TC2N: variants seen among roughly 807,000 people sequenced by gnomAD.
TC2N encodes tandem C2 domains nuclear protein.
In TC2N, 51 loss-of-function variants were observed where a neutral mutation model predicts 61.9. That is an observed-to-expected ratio of 0.82 (90% CI 0.66 to 1.04). The LOEUF is 1.04. TC2N is among the 50% of genes least tolerant of loss of function. The probability of loss-of-function intolerance (pLI) is 0.00; values close to 1 mark genes in which losing one functional copy is unlikely to be tolerated. For missense variants in TC2N, 556 were observed against 566.7 expected (o/e 0.98, Z 0.19); for synonymous variants, 204 against 192.6 (o/e 1.06, Z -0.49).
At chr14:91,808,042 C>T (rs1886595039) in intron 3 of TC2N, among the ~76,000 whole-genome samples, 1 of 152,126 alleles carries the variant, frequency 6.6e-6, no homozygotes, top group Admixed American at 6.5e-5. Flanking sequence ...TTACCTGCTG[C>T]CATGTAAGAC....
intron 1 of TC2N, among the ~76,000 whole-genome samples, chr14:91,835,750 G>A (rs771410837): frequency 1.1e-4 from 16 of 152,244 alleles, no homozygotes; most frequent in Non-Finnish European, 1.9e-4. Context: ...ACTTCACAAA[G>A]TTTCAGAAAC....
At chr14:91,842,912 G>A (rs1461105730) in intron 1 of TC2N, among the ~76,000 whole-genome samples, 1 of 152,092 alleles carries the variant, frequency 6.6e-6, no homozygotes, top group South Asian at 2.1e-4. Context: ...CCTTTGCTAC[G>A]ACTTTGAAGT....
intron 5 of TC2N, 113 bp from the exon 6 acceptor site, chr14:91,799,177 G>A (rs1438412951): frequency 4.9e-6 from 3 of 611,178 alleles, no homozygotes; most frequent in Non-Finnish European, 8.2e-6. Flanking sequence ...TATTTTGACA[G>A]TGTTACAGGT....
chr14:91,817,739 A>G (rs986882654), intron 1 of TC2N, among the ~76,000 whole-genome samples: 5 of 152,146 alleles, frequency 3.3e-5, no homozygotes, highest in African/African-American at 1.2e-4. Flanking sequence ...CTGCTACTTC[A>G]GGGGGAAAAG....
chr14:91,795,389 G>A (rs1448229037), intron 8 of TC2N, among the ~76,000 whole-genome samples: 1 of 152,096 alleles, frequency 6.6e-6, no homozygotes, highest in African/African-American at 2.4e-5. Context: ...GAACTTTTTT[G>A]TGAAAGGAAG....
chr14:91,822,249 G>A (rs1287812271), intron 1 of TC2N, among the ~76,000 whole-genome samples: 1 of 152,162 alleles, frequency 6.6e-6, no homozygotes, highest in African/African-American at 2.4e-5. Flanking sequence ...AAACTATCAA[G>A]TATCTATCAA....
At chr14:91,791,865 C>T (rs1885672736) in intron 9 of TC2N, among the ~76,000 whole-genome samples, 1 of 152,090 alleles carries the variant, frequency 6.6e-6, no homozygotes, top group South Asian at 2.1e-4. Flanking sequence ...GCCTGTAATC[C>T]CAGCACTTTG....
intron 1 of TC2N, among the ~76,000 whole-genome samples, chr14:91,851,584 T>A (rs964481040): frequency 6.6e-5 from 10 of 152,316 alleles, no homozygotes; most frequent in African/African-American, 2.4e-4. Context: ...AATTAGCACA[T>A]AAACTTACCT....
chr14:91,863,404 A>T (rs1482074180), intron 1 of TC2N, among the ~76,000 whole-genome samples: 1 of 152,208 alleles, frequency 6.6e-6, no homozygotes, highest in Non-Finnish European at 1.5e-5. Flanking sequence ...GACCTCCCCA[A>T]TGGCTTATAA....
chr14:91,850,749 T>C (rs1386198705), intron 1 of TC2N, among the ~76,000 whole-genome samples: 2 of 152,070 alleles, frequency 1.3e-5, no homozygotes, highest in African/African-American at 4.8e-5. Flanking sequence ...TGGCCAACAC[T>C]GTGAAACCCC....
intron 1 of TC2N, among the ~76,000 whole-genome samples, chr14:91,822,261 A>C (rs1296837191): frequency 6.6e-6 from 1 of 152,232 alleles, no homozygotes; most frequent in African/African-American, 2.4e-5. Flanking sequence ...ATCTATCAAC[A>C]GATTAATCCA....
At position 91,792,559 on chromosome 14, in the gene TC2N, C is replaced by CT; in HGVS notation, c.856-2dup. ...CAAACGTTTCCATAAATTCAATAGC[C>CT]TTAAAAAAAAAACAAGAAAACATAA... On this transcript the variant is annotated splice_acceptor_variant, in intron 8 of 11. Transcript: ENST00000435962. LOFTEE classifies it high-confidence loss of function. 1.4e-6 allele frequency: 2 copies of CT among 1,436,492 alleles called. No homozygotes were observed. Among genetic ancestry groups the CT allele is most frequent in the Non-Finnish European group, 1.9e-6 (2 of 1,061,784 alleles). The allele number at this position is 1,436,492 out of a possible 1,614,324, so 89.0% of individuals were successfully genotyped here.
chr14:91,790,344 G>C (rs1187819986), intron 9 of TC2N, among the ~76,000 whole-genome samples: 1 of 152,114 alleles, frequency 6.6e-6, no homozygotes, highest in Non-Finnish European at 1.5e-5. Flanking sequence ...GGGAAAGTAC[G>C]GCTCTTTAGA....
intron 3 of TC2N, among the ~76,000 whole-genome samples, chr14:91,807,256 G>T (rs1886552521): frequency 6.6e-6 from 1 of 152,196 alleles, no homozygotes; most frequent in South Asian, 2.1e-4. Context: ...CCCCCACAGA[G>T]TCTCCACTGG....
chr14:91,834,307 G>A (rs1045066664), intron 1 of TC2N, among the ~76,000 whole-genome samples: 1 of 152,086 alleles, frequency 6.6e-6, no homozygotes, highest in African/African-American at 2.4e-5. Context: ...ACTTTACCAC[G>A]AATAGTTCTT....
intron 1 of TC2N, among the ~76,000 whole-genome samples, chr14:91,823,451 C>T (rs763829792): frequency 1.3e-5 from 2 of 150,086 alleles, no homozygotes; most frequent in African/African-American, 2.5e-5. Context: ...ACCCGGGAGG[C>T]GGAGGTTGCA....
chr14:91,836,058 C>A (rs1442784801), intron 1 of TC2N: 1 of 152,336 alleles, frequency 6.6e-6, no homozygotes, highest in Non-Finnish European at 1.5e-5. Flanking sequence ...TGTCGCGGGG[C>A]CTAAAGCTCT....
At position 91,781,614 on chromosome 14, in the gene TC2N, T is replaced by C. The variant is rs1885136503; in HGVS notation, c.*1486A>G. The C allele has an allele frequency of 6.6e-6, 1 of 152,136 alleles. No individual in the cohort carries two copies. The highest frequency in any genetic ancestry group is 2.1e-4 in the South Asian group (1 of 4,832). The allele number at this position is 152,136 out of a possible 1,614,324, so 9.4% of individuals were successfully genotyped here. A position where few individuals can be genotyped will look rare whatever the true frequency, so the allele number is the denominator to read the frequency against. Reference sequence around the variant, plus strand: ...TTGTATTCGTCTCAGATTCAAAATATTATCACACAGGTGATTTATCTTAAA... The same window carrying C: ...TTGTATTCGTCTCAGATTCAAAATACTATCACACAGGTGATTTATCTTAAA... On this transcript the variant is annotated 3_prime_UTR_variant, in exon 12 of 12. Transcript: ENST00000435962.
chr14:91,807,896 GT>G (rs923952736), intron 3 of TC2N, among the ~76,000 whole-genome samples: 4 of 152,172 alleles, frequency 2.6e-5, no homozygotes, highest in African/African-American at 9.7e-5. Flanking sequence ...ATTCCCACAT[GT>G]TGTGGGAGAC....
Sources: gnomAD v4.1 joint callset for allele counts (sites outside exome capture counted in the v4.1 genomes callset) on GRCh38, gnomAD v4.1.1 for gene constraint, MANE v1.5 for transcripts, NCBI Gene and HGNC (gene_info 2026-07-23, HGNC 2026-07-21) for gene names.